Variants in DCAF4L1 observed in about 807,000 individuals in gnomAD.
The protein encoded by DCAF4L1 is DDB1 and CUL4 associated factor 4 like 1, also known as DDB1- and CUL4-associated factor 4-like protein 1.
In DCAF4L1, 4 loss-of-function variants were observed where a neutral mutation model predicts 28.2. That is an observed-to-expected ratio of 0.14 (90% CI 0.07 to 0.33). The LOEUF (loss-of-function observed/expected upper bound fraction) is 0.33. Ranked by LOEUF, DCAF4L1 falls within the 10% of genes least tolerant of loss-of-function variation. The pLI is 1.00. For missense variants in DCAF4L1, 331 were observed against 506.1 expected (o/e 0.65, Z 3.32); for synonymous variants, 252 against 212.1 (o/e 1.19, Z -1.63).
At position 41,981,882 on chromosome 4, in the gene DCAF4L1, A is replaced by G; in HGVS notation, c.90A>G (p.Arg30=). Residue 30 remains arginine, a synonymous_variant, in exon 1 of 1, where the codon CGA becomes CGG. Coordinates refer to ENST00000333141, the MANE Select transcript of DCAF4L1 (RefSeq NM_001029955.4). ...GATTTAATGCATCTTCCATGCTCCG[A>G]AAAAGCCAGCTAGGTTTCCTCAACG... The part of the protein sequence containing the change: ...RMGFNASSML[R]KSQLGFLNVT... 3 of 1,614,216 alleles carry G rather than the reference A, an allele frequency of 1.9e-6. No homozygotes were observed. Among genetic ancestry groups the G allele is most frequent in the Non-Finnish European group, 2.5e-6 (3 of 1,180,038 alleles).
Position 41,981,800 on chromosome 4 carries a change from C to G in DCAF4L1, c.8C>G (p.Ala3Gly). 1.2e-6 allele frequency: 2 copies of G among 1,613,656 alleles called. No homozygotes were observed. Among genetic ancestry groups the G allele is most frequent in the East Asian group, 2.2e-5 (1 of 44,874 alleles). The change falls in exon 1 of 1, where the codon GCT becomes GGT. Residue 3 changes from alanine to glycine, a missense_variant. Coordinates refer to ENST00000333141, the MANE Select transcript of DCAF4L1 (RefSeq NM_001029955.4). ...AACATTCCGCAGGAGGAAATGGAGG[C>G]TGAAAGGCTGCGACTCCTCGAGGAA... ME[A>G]ERLRLLEEEA...
Position 41,983,313 on chromosome 4 carries a change from ATAAAT to A in DCAF4L1, c.*335_*339del, listed in dbSNP as rs1411960332. ...GGACTGAAGATTGGCAAAAACTAAA[ATAAAT>A]TAAAGCAGCTTCTTTCACTAGTAGC... is the stretch of plus-strand genomic sequence containing the variant. On this transcript the variant is annotated 3_prime_UTR_variant, in exon 1 of 1. Coordinates refer to ENST00000333141, the MANE Select transcript of DCAF4L1 (RefSeq NM_001029955.4). 1 of 213,636 alleles carries A rather than the reference ATAAAT, an allele frequency of 4.7e-6. No homozygotes were observed. The highest frequency in any genetic ancestry group is 1.0e-5 in the Non-Finnish European group (1 of 97,636). The allele number at this position is 213,636 out of a possible 1,614,324, so 13.2% of individuals were successfully genotyped here.
Position 41,982,867 on chromosome 4 carries a change from T to A in DCAF4L1, c.1075T>A (p.Ser359Thr). The A allele has an allele frequency of 6.2e-7, 1 of 1,614,098 alleles. No individual in the cohort carries two copies. The highest frequency in any genetic ancestry group is 8.5e-7 in the Non-Finnish European group (1 of 1,180,012). ...AACCATCCCTTCCCCGTACTCTGCC[T>A]CCGAGGACGACATTCCCAGCGTGGC... ...LRTIPSPYSA[S>T]EDDIPSVAFA... Residue 359 changes from serine to threonine, a missense_variant, in exon 1 of 1, where the codon TCC (serine) becomes ACC (threonine). Ser to Thr is a moderately conservative substitution (Grantham distance 58). Coordinates refer to ENST00000333141, the MANE Select transcript of DCAF4L1 (RefSeq NM_001029955.4). This position sits in a 1 kb window ranked among gnomAD's most constrained non-coding sequence, Gnocchi z 4.4.
At position 41,981,882 on chromosome 4, in the gene DCAF4L1, A is replaced by C; in HGVS notation, c.90A>C (p.Arg30=). 6.2e-7 allele frequency: 1 copy of C among 1,614,216 alleles called. No homozygotes were observed. Among genetic ancestry groups the C allele is most frequent in the Non-Finnish European group, 8.5e-7 (1 of 1,180,038 alleles). The part of the protein sequence containing the change: ...RMGFNASSML[R]KSQLGFLNVT... ...GATTTAATGCATCTTCCATGCTCCG[A>C]AAAAGCCAGCTAGGTTTCCTCAACG... The change falls in exon 1 of 1, where the codon CGA becomes CGC. Residue 30 remains arginine, a synonymous_variant. Transcript: ENST00000333141.
At position 41,982,170 on chromosome 4, in the gene DCAF4L1, G is replaced by A; in HGVS notation, c.378G>A (p.Lys126=). The A allele has an allele frequency of 1.2e-6, 2 of 1,614,234 alleles. No individual in the cohort carries two copies. The highest frequency in any genetic ancestry group is 1.7e-6 in the Non-Finnish European group (2 of 1,180,052). Residue 126 remains lysine (K), a synonymous_variant, in exon 1 of 1, where the codon AAG becomes AAA. Transcript: ENST00000333141. This position sits in a 1 kb window ranked among gnomAD's most constrained non-coding sequence, Gnocchi z 4.4. ...GAAACCTCTACGTCCCCAACCGGAA[G>A]GTGAAGTCCCTGTGCTGGGCCTCGC... is the stretch of plus-strand genomic sequence containing the variant. ...VLRNLYVPNR[K]VKSLCWASLN...
rs1035595771 is a variant in DCAF4L1 at position 41,986,377 on chromosome 4, T to G, written c.*3394T>G. ...ATAGCGGGGTACTGGCTACACAGTT[T>G]TTGTTCACTAGTGATAATTGTTAGA... On this transcript the variant is annotated 3_prime_UTR_variant, in exon 1 of 1. Transcript: ENST00000333141. 2 of 167,098 alleles carry G rather than the reference T, an allele frequency of 1.2e-5. No individual in the cohort carries two copies. The highest frequency in any genetic ancestry group is 2.9e-5 in the Non-Finnish European group (2 of 68,132). 10.4% of individuals were successfully genotyped at this position (167,098 alleles called of 1,614,324 possible).
At position 41,985,152 on chromosome 4, in the gene DCAF4L1, A is replaced by G. The variant is rs1360426640; in HGVS notation, c.*2169A>G. The G allele has an allele frequency of 6.0e-6, 1 of 167,006 alleles. No homozygotes were observed. The highest frequency in any genetic ancestry group is 1.5e-5 in the Non-Finnish European group (1 of 68,090). 10.3% of individuals were successfully genotyped at this position (167,006 alleles called of 1,614,324 possible). ...ATACTGATATGTCATTTATTTGGCA[A>G]TTGACAAAAAATGACTACATAACTT... On this transcript the variant is annotated 3_prime_UTR_variant, in exon 1 of 1. Coordinates refer to ENST00000333141, the MANE Select transcript of DCAF4L1 (RefSeq NM_001029955.4).
chr4:41,983,381 T>C lies in DCAF4L1; in HGVS notation c.*398T>C, dbSNP rs1714053820. 1 of 173,586 alleles carries C rather than the reference T, an allele frequency of 5.8e-6. No homozygotes were observed. The highest frequency in any genetic ancestry group is 1.4e-5 in the Non-Finnish European group (1 of 72,350). The allele number at this position is 173,586 out of a possible 1,614,324, so 10.8% of individuals were successfully genotyped here. On this transcript the variant is annotated 3_prime_UTR_variant, in exon 1 of 1. Coordinates refer to ENST00000333141, the MANE Select transcript of DCAF4L1 (RefSeq NM_001029955.4). ...CATAATGATGGTACTGGTAAGACTG[T>C]TTGACTAATCATACAGGGTCCCAGG...
In DCAF4L1 at chr4:41,982,776, C is replaced by T. The variant is rs1714028957; in HGVS notation, c.984C>T (p.Ile328=). ...TGCATGTGCACGAGGAAGAGGGAAT[C>T]GTGGTGGCAGTGGGCCAGGACTGCT... is the stretch of plus-strand genomic sequence containing the variant. ...LPLHVHEEEG[I]VVAVGQDCYT... The change falls in exon 1 of 1, where the codon ATC becomes ATT. Residue 328 remains isoleucine, a synonymous_variant. Transcript: ENST00000333141. The surrounding 1 kb of genome is among the most constrained non-coding windows in gnomAD (Gnocchi z 4.4). 6.2e-7 allele frequency: 1 copy of T among 1,614,230 alleles called. No homozygotes were observed. Among genetic ancestry groups the T allele is most frequent in the Non-Finnish European group, 8.5e-7 (1 of 1,180,040 alleles).
Position 41,982,068 on chromosome 4 carries a change from C to T in DCAF4L1, c.276C>T (p.Val92=), listed in dbSNP as rs374696266. 8 of 1,614,058 alleles carry T rather than the reference C, an allele frequency of 5.0e-6. No individual in the cohort carries two copies. Among genetic ancestry groups the T allele is most frequent in the Admixed American group, 3.3e-5 (2 of 60,006 alleles). Residue 92 remains valine (V), a synonymous_variant, in exon 1 of 1, where the codon GTC becomes GTT. Coordinates refer to ENST00000333141, the MANE Select transcript of DCAF4L1 (RefSeq NM_001029955.4). This position sits in a 1 kb window ranked among gnomAD's most constrained non-coding sequence, Gnocchi z 4.4. ...NSDQLFVVNQ[V]EVEGSKYGII... ...ACCAGCTCTTCGTAGTGAACCAGGT[C>T]GAAGTCGAAGGCTCCAAGTACGGCA...
chr4:41,985,472 C>G lies in DCAF4L1; in HGVS notation c.*2489C>G, dbSNP rs1410480708. 6.0e-6 allele frequency: 1 copy of G among 167,054 alleles called. No homozygotes were observed. Among genetic ancestry groups the G allele is most frequent in the African/African-American group, 2.4e-5 (1 of 41,444 alleles). 10.3% of individuals were successfully genotyped at this position (167,054 alleles called of 1,614,324 possible). ...TTGGTGCAGTTGTGAGCAAATAGAA[C>G]TTTCATATACTGTTGAGTGTATACT... On this transcript the variant is annotated 3_prime_UTR_variant, in exon 1 of 1. Coordinates refer to ENST00000333141, the MANE Select transcript of DCAF4L1 (RefSeq NM_001029955.4).
rs760412992 is a variant in DCAF4L1 at position 41,982,119 on chromosome 4, C to T, written c.327C>T (p.Ile109=). The T allele has an allele frequency of 6.2e-7, 1 of 1,614,084 alleles. No homozygotes were observed. Among genetic ancestry groups the T allele is most frequent in the African/African-American group, 1.3e-5 (1 of 74,926 alleles). ...YGIISLRTLK[I]PSFHVYVLRN... ...TCATCAGCCTGCGAACTCTGAAGAT[C>T]CCTTCGTTCCACGTGTACGTGCTCA... is the stretch of plus-strand genomic sequence containing the variant. Residue 109 remains isoleucine, a synonymous_variant, in exon 1 of 1, where the codon ATC becomes ATT. Transcript: ENST00000333141. The surrounding 1 kb of genome is among the most constrained non-coding windows in gnomAD (Gnocchi z 4.4).
In DCAF4L1 at chr4:41,982,482, G is replaced by A; in HGVS notation, c.690G>A (p.Gln230=). The part of the protein sequence containing the change: ...SFDTSSDVLA[Q]QFASTAPLLF... ...ATACCAGCAGTGATGTCTTGGCCCA[G>A]CAGTTTGCTAGTACGGCTCCTTTGC... The change falls in exon 1 of 1, where the codon CAG becomes CAA. Residue 230 remains glutamine (Q), a synonymous_variant. Transcript: ENST00000333141. The surrounding 1 kb of genome is among the most constrained non-coding windows in gnomAD (Gnocchi z 4.4). 6.2e-7 allele frequency: 1 copy of A among 1,614,260 alleles called. No homozygotes were observed. The highest frequency in any genetic ancestry group is 1.1e-5 in the South Asian group (1 of 91,090).
rs1368852265 is a variant in DCAF4L1, at chr4:41,983,464, GTC to G, written c.*485_*486del. 6.0e-6 allele frequency: 1 copy of G among 167,856 alleles called. No individual in the cohort carries two copies. The highest frequency in any genetic ancestry group is 1.9e-4 in the East Asian group (1 of 5,212). The allele number at this position is 167,856 out of a possible 1,614,324, so 10.4% of individuals were successfully genotyped here. A position where few individuals can be genotyped will look rare whatever the true frequency, so the allele number is the denominator to read the frequency against. On this transcript the variant is annotated 3_prime_UTR_variant, in exon 1 of 1. Transcript: ENST00000333141. ...GACAAGGGAGAGGTAATTTCTCAGA[GTC>G]TCTACAGAAATATTTAAGGCTGGAG...
rs1713989156 is a variant in DCAF4L1 at position 41,981,787 on chromosome 4, G to A, written c.-6G>A. 6.2e-7 allele frequency: 1 copy of A among 1,612,390 alleles called. No individual in the cohort carries two copies. Among genetic ancestry groups the A allele is most frequent in the Non-Finnish European group, 8.5e-7 (1 of 1,178,800 alleles). ...TCCTGTCACGAGGAACATTCCGCAGGAGGAAATGGAGGCTGAAAGGCTGCG... is the reference window on the plus strand; with the variant it reads ...TCCTGTCACGAGGAACATTCCGCAGAAGGAAATGGAGGCTGAAAGGCTGCG... On this transcript the variant is annotated 5_prime_UTR_variant, in exon 1 of 1. Transcript: ENST00000333141.
At position 41,982,984 on chromosome 4, in the gene DCAF4L1, T is replaced by C; in HGVS notation, c.*1T>C. 3.8e-6 allele frequency: 6 copies of C among 1,596,660 alleles called. No homozygotes were observed. Among genetic ancestry groups the C allele is most frequent in the Non-Finnish European group, 5.1e-6 (6 of 1,171,304 alleles). Reference sequence around the variant, plus strand: ...CCTTTATTGTTTCCCCTTCAGCTAATTCTGCAGGTGGCAGCGCGGCCGAAT... The same window carrying C: ...CCTTTATTGTTTCCCCTTCAGCTAACTCTGCAGGTGGCAGCGCGGCCGAAT... On this transcript the variant is annotated 3_prime_UTR_variant, in exon 1 of 1. Transcript: ENST00000333141. This position sits in a 1 kb window ranked among gnomAD's most constrained non-coding sequence, Gnocchi z 4.4.
At position 41,982,827 on chromosome 4, in the gene DCAF4L1, T is replaced by C. The variant is rs1714029962; in HGVS notation, c.1035T>C (p.Asp345=). ...DCYTRIWSLH[D]AHLLRTIPSP... is the part of the protein sequence containing the mutation. ...ACACGAGAATCTGGAGCCTCCATGA[T>C]GCCCACCTGCTCAGAACCATCCCTT... Residue 345 remains aspartate (D), a synonymous_variant, in exon 1 of 1, where the codon GAT becomes GAC. Transcript: ENST00000333141. The surrounding 1 kb of genome is among the most constrained non-coding windows in gnomAD (Gnocchi z 4.4). 3 of 1,614,196 alleles carry C rather than the reference T, an allele frequency of 1.9e-6. No individual in the cohort carries two copies. The highest frequency in any genetic ancestry group is 1.7e-5 in the Admixed American group (1 of 60,022).
In DCAF4L1 at chr4:41,982,230, C is replaced by T. The variant is rs1185843018; in HGVS notation, c.438C>T (p.Phe146=). ...TGGACTCTCACGTTCTGCTGTGCTTCGAGGGAATCACAGATGCTCCAAGCT... is the reference window on the plus strand; with the variant it reads ...TGGACTCTCACGTTCTGCTGTGCTTTGAGGGAATCACAGATGCTCCAAGCT... ...NQLDSHVLLC[F]EGITDAPSCA... is the part of the protein sequence containing the mutation. Residue 146 remains phenylalanine (F), a synonymous_variant, in exon 1 of 1, where the codon TTC becomes TTT. Transcript: ENST00000333141. The surrounding 1 kb of genome is among the most constrained non-coding windows in gnomAD (Gnocchi z 4.4). The T allele has an allele frequency of 2.5e-6, 4 of 1,614,216 alleles. No homozygotes were observed. The highest frequency in any genetic ancestry group is 2.2e-5 in the East Asian group (1 of 44,886).
At position 41,983,206 on chromosome 4, in the gene DCAF4L1, C is replaced by T. The variant is rs895249327; in HGVS notation, c.*223C>T. The T allele has an allele frequency of 3.9e-6, 2 of 517,902 alleles. 1 individual carries two copies. The highest frequency in any genetic ancestry group is 6.7e-5 in the East Asian group (2 of 29,698). 32.1% of individuals were successfully genotyped at this position (517,902 alleles called of 1,614,324 possible). ...TGAAAGTCCTTTTCATAAAAGGTAC[C>T]TGTTTCCTCTTGTTGAATGCCTTAG... On this transcript the variant is annotated 3_prime_UTR_variant, in exon 1 of 1. Transcript: ENST00000333141.
Sources: allele counts gnomAD v4.1 joint callset, GRCh38; gene constraint gnomAD v4.1.1; non-coding constraint Gnocchi (gnomAD v3.1); transcripts MANE v1.5; gene names NCBI Gene and HGNC (gene_info 2026-07-23, HGNC 2026-07-21).